Variants in FHIT observed in about 807,000 individuals in gnomAD.
FHIT encodes the protein fragile histidine triad diadenosine triphosphatase, also known as bis(5'-adenosyl)-triphosphatase.
FHIT carries 19 observed loss-of-function variants against 17.9 expected under a neutral mutation model. That is an observed-to-expected ratio of 1.06 (90% confidence interval 0.74 to 1.56). FHIT has a LOEUF of 1.56. FHIT is among the 40% of genes most tolerant of loss of function. The probability of loss-of-function intolerance (pLI) is 0.00; values close to 1 mark genes in which losing one functional copy is unlikely to be tolerated. For missense variants in FHIT, 248 were observed against 189.2 expected (o/e 1.31, Z -1.82); for synonymous variants, 81 against 69.7 (o/e 1.16, Z -0.81).
intron 1 of FHIT, among the ~76,000 whole-genome samples, chr3:61,205,220 A>G (rs973261580): frequency 5.9e-5 from 9 of 152,116 alleles, no homozygotes; most frequent in East Asian, 1.9e-4. Flanking sequence ...CCAGTCTATC[A>G]TTGTTGGACA....
intron 5 of FHIT, among the ~76,000 whole-genome samples, chr3:60,158,764 G>A (rs921874203): frequency 3.3e-5 from 5 of 152,102 alleles, no homozygotes; most frequent in Non-Finnish European, 7.4e-5. Flanking sequence ...TTAGAGATGT[G>A]AGATATCCAA....
At chr3:60,286,032 G>A (rs1004961090) in intron 5 of FHIT, among the ~76,000 whole-genome samples, 1 of 152,140 alleles carries the variant, frequency 6.6e-6, no homozygotes, top group Non-Finnish European at 1.5e-5. Flanking sequence ...TGGGTGTAGA[G>A]GGGGAGGAAG....
intron 4 of FHIT, among the ~76,000 whole-genome samples, chr3:60,709,528 TC>T (rs1196537563): frequency 9.2e-5 from 14 of 152,146 alleles, no homozygotes; most frequent in Admixed American, 9.2e-4. Flanking sequence ...ATGTGAAAAA[TC>T]CATGGTCTGT....
chr3:60,499,565 G>T (rs1468136514), intron 5 of FHIT, among the ~76,000 whole-genome samples: 1 of 152,098 alleles, frequency 6.6e-6, no homozygotes, highest in African/African-American at 2.4e-5. Context: ...CTAATATTTT[G>T]TATCTTTAGT....
At chr3:60,498,636 T>C (rs2034399405) in intron 5 of FHIT, among the ~76,000 whole-genome samples, 1 of 152,168 alleles carries the variant, frequency 6.6e-6, no homozygotes, top group Non-Finnish European at 1.5e-5. Flanking sequence ...CATCTGTCTT[T>C]GTCAAGAAGG....
At chr3:60,737,135 G>T (rs2042149236) in intron 4 of FHIT, among the ~76,000 whole-genome samples, 1 of 152,124 alleles carries the variant, frequency 6.6e-6, no homozygotes, top group African/African-American at 2.4e-5. Context: ...ACTGCCCCCA[G>T]CCTGGCCAGG....
intron 4 of FHIT, among the ~76,000 whole-genome samples, chr3:60,718,583 C>G (rs2041739865): frequency 2.0e-5 from 3 of 152,130 alleles, no homozygotes; most frequent in Admixed American, 2.0e-4. Context: ...GCGAAAATGC[C>G]AAATCTGCCA....
chr3:60,332,603 T>C (rs1710038471), intron 5 of FHIT, among the ~76,000 whole-genome samples: 1 of 152,176 alleles, frequency 6.6e-6, no homozygotes. Flanking sequence ...GTGGAACCTG[T>C]GGGAACCTCC....
intron 5 of FHIT, among the ~76,000 whole-genome samples, chr3:60,254,992 GAGA>G (rs1705916503): frequency 6.6e-6 from 1 of 152,128 alleles, no homozygotes; most frequent in Non-Finnish European, 1.5e-5. Flanking sequence ...TTCATTATCT[GAGA>G]AGAATGAAAC....
chr3:60,362,393 T>G (rs1307095197), intron 5 of FHIT, among the ~76,000 whole-genome samples: 1 of 152,226 alleles, frequency 6.6e-6, no homozygotes, highest in East Asian at 1.9e-4. Context: ...TGTTCGGATT[T>G]TTTTTTGGAG....
At chr3:60,423,466 A>G (rs930618427) in intron 5 of FHIT, among the ~76,000 whole-genome samples, 2 of 152,132 alleles carry the variant, frequency 1.3e-5, no homozygotes, top group African/African-American at 2.4e-5. Context: ...TATCAGGAGA[A>G]TATGTGAAAA....
chr3:59,898,917 C>T (rs1244955026), intron 8 of FHIT, among the ~76,000 whole-genome samples: 2 of 152,174 alleles, frequency 1.3e-5, no homozygotes, highest in Non-Finnish European at 2.9e-5. Flanking sequence ...GAATCCTCCT[C>T]CATGACCTAG....
chr3:61,136,586 G>T (rs1214106863), intron 2 of FHIT, among the ~76,000 whole-genome samples: 2 of 152,140 alleles, frequency 1.3e-5, no homozygotes, highest in Non-Finnish European at 2.9e-5. Context: ...GACCCTCAAA[G>T]AACTGAATAT....
intron 3 of FHIT, among the ~76,000 whole-genome samples, chr3:60,924,815 A>T (rs1553769411): frequency 6.6e-6 from 1 of 152,196 alleles, no homozygotes; most frequent in African/African-American, 2.4e-5. Context: ...CTTGAAAAAA[A>T]AATTAGACGA....
intron 5 of FHIT, among the ~76,000 whole-genome samples, chr3:60,048,172 CTCTT>C (rs1476337321): frequency 6.6e-6 from 1 of 152,188 alleles, no homozygotes; most frequent in Admixed American, 6.6e-5. Flanking sequence ...TTTAAGTTCT[CTCTT>C]TCTTTGTTTT....
chr3:60,750,983 C>A (rs78763512), intron 4 of FHIT, among the ~76,000 whole-genome samples: 1 of 152,172 alleles, frequency 6.6e-6, no homozygotes, highest in Non-Finnish European at 1.5e-5. Flanking sequence ...GCAACTCCCA[C>A]GTGGACCTGT....
chr3:60,937,949 T>C (rs577790264), intron 3 of FHIT, among the ~76,000 whole-genome samples: 1 of 152,124 alleles, frequency 6.6e-6, no homozygotes, highest in Non-Finnish European at 1.5e-5. Context: ...CCAATCCCTG[T>C]CGCTGGAACA....
intron 5 of FHIT, among the ~76,000 whole-genome samples, chr3:60,090,659 A>G (rs1198007471): frequency 3.9e-5 from 6 of 152,132 alleles, no homozygotes; most frequent in African/African-American, 1.4e-4. Context: ...CTACCACTAG[A>G]GTGACATGCT....
At chr3:60,547,559 T>G (rs2036408371) in intron 4 of FHIT, among the ~76,000 whole-genome samples, 1 of 152,196 alleles carries the variant, frequency 6.6e-6, no homozygotes, top group Non-Finnish European at 1.5e-5. Flanking sequence ...CATTCTTAAA[T>G]GAGTCTCCAT....
Sources: allele counts gnomAD v4.1 joint callset (sites outside exome capture counted in the v4.1 genomes callset), GRCh38; gene constraint gnomAD v4.1.1; transcripts MANE v1.5; gene names NCBI Gene and HGNC (gene_info 2026-07-23, HGNC 2026-07-21).